Variants in CASR observed in about 807,000 individuals in gnomAD.
CASR encodes the protein extracellular calcium-sensing receptor.
A neutral mutation model predicts 69.1 loss-of-function variants in CASR; 23 were observed. That is an observed-to-expected ratio of 0.33 (90% CI 0.24 to 0.47). The LOEUF is 0.47. Among genes scored for constraint, CASR ranks in the 20% least tolerant of loss-of-function variants. The pLI is 1.00. For synonymous variants in CASR, 541 were observed against 544.7 expected, an observed-to-expected ratio of 0.99 and a Z score of 0.10; for missense variants, 924 against 1,356.1, an observed-to-expected ratio of 0.68 and a Z score of 5.00.
chr3:122,247,145 C>G (rs1369932204), intron 1 of CASR: 1 of 152,146 alleles, frequency 6.6e-6, no homozygotes, highest in African/African-American at 2.4e-5. Flanking sequence ...CCATGTTTCA[C>G]GGCATCATGA....
At chr3:122,271,103 A>AT (rs2074752312) in intron 4 of CASR, among the ~76,000 whole-genome samples, 1 of 151,972 alleles carries the variant, frequency 6.6e-6, no homozygotes, top group Non-Finnish European at 1.5e-5. Flanking sequence ...TATTGACCTT[A>AT]TTTTTCTCAT....
At chr3:122,235,666 A>G (rs930445754) in intron 1 of CASR, among the ~76,000 whole-genome samples, 3 of 152,214 alleles carry the variant, frequency 2.0e-5, no homozygotes, top group African/African-American at 4.8e-5. Flanking sequence ...GGGTAGTGGC[A>G]TGTTCCTATA....
chr3:122,275,844 A>C lies in CASR; in HGVS notation c.1410A>C (p.Thr470=), dbSNP rs199886514. Residue 470 remains threonine (T), a synonymous_variant, in exon 5 of 7, where the codon ACA becomes ACC. Transcript: ENST00000639785. Reference sequence around the variant, plus strand: ...AGCACCTACGGCATCTAAACTTTACAAACAATATGGGGGAGCAGGTGACCT... The same window carrying C: ...AGCACCTACGGCATCTAAACTTTACCAACAATATGGGGGAGCAGGTGACCT... The part of the protein sequence containing the change: ...VLKHLRHLNF[T]NNMGEQVTFD... The C allele has an allele frequency of 6.2e-7, 1 of 1,614,050 alleles. No individual in the cohort carries two copies. Among genetic ancestry groups the C allele is most frequent in the Non-Finnish European group, 8.5e-7 (1 of 1,179,962 alleles).
At chr3:122,190,606 A>G (rs2073830808) in intron 1 of CASR, among the ~76,000 whole-genome samples, 1 of 152,226 alleles carries the variant, frequency 6.6e-6, no homozygotes, top group Non-Finnish European at 1.5e-5. Flanking sequence ...ACGTTGTTAA[A>G]GCTCATCAAG....
chr3:122,243,263 G>A (rs1380897924), intron 1 of CASR, among the ~76,000 whole-genome samples: 3 of 152,054 alleles, frequency 2.0e-5, no homozygotes, highest in Non-Finnish European at 4.4e-5. Context: ...GAAAATATTC[G>A]CAAACTAGCC....
At chr3:122,232,317 G>A (rs1270926207) in intron 1 of CASR, among the ~76,000 whole-genome samples, 1 of 152,176 alleles carries the variant, frequency 6.6e-6, no homozygotes, top group Non-Finnish European at 1.5e-5. Context: ...GCAGGGAAGT[G>A]CCACGCAGAT....
intron 4 of CASR, among the ~76,000 whole-genome samples, chr3:122,271,582 C>CT (rs2074758299): frequency 6.6e-6 from 1 of 152,190 alleles, no homozygotes; most frequent in Non-Finnish European, 1.5e-5. Context: ...TCCATGCCTT[C>CT]TTTTTTGCAA....
intron 1 of CASR, 69 bp downstream of exon 1, chr3:122,183,881 A>T (rs1287793760): frequency 6.6e-6 from 1 of 152,082 alleles, no homozygotes; most frequent in Non-Finnish European, 1.5e-5. Flanking sequence ...AGAAAAAAAA[A>T]AATTGTGCCA....
intron 1 of CASR, among the ~76,000 whole-genome samples, chr3:122,195,815 A>G (rs1266635579): frequency 6.6e-6 from 1 of 152,202 alleles, no homozygotes; most frequent in East Asian, 1.9e-4. Flanking sequence ...GAATCTTTTA[A>G]CTCATCTTTT....
Position 122,285,650 on chromosome 3 carries a change from T to A in CASR, c.*459T>A. 1 of 192,972 alleles carries A rather than the reference T, an allele frequency of 5.2e-6. No homozygotes were observed. The highest frequency in any genetic ancestry group is 1.1e-5 in the Non-Finnish European group (1 of 91,498). The allele number at this position is 192,972 out of a possible 1,614,324, so 12.0% of individuals were successfully genotyped here. On this transcript the variant is annotated 3_prime_UTR_variant, in exon 7 of 7. Coordinates refer to ENST00000639785, the MANE Select transcript of CASR (RefSeq NM_000388.4). ...GACTGAATTTTAAATGTTCACAACA[T>A]AAGGAGAATGTATCTCCTCCTATTT...
chr3:122,227,959 A>T (rs2074241707), intron 1 of CASR, among the ~76,000 whole-genome samples: 1 of 150,898 alleles, frequency 6.6e-6, no homozygotes, highest in African/African-American at 2.4e-5. Flanking sequence ...ATGACTGCTC[A>T]TGTCAGTATG....
chr3:122,207,912 G>A (rs2074023747), intron 1 of CASR, among the ~76,000 whole-genome samples: 1 of 152,092 alleles, frequency 6.6e-6, no homozygotes, highest in South Asian at 2.1e-4. Context: ...TTTTCTCTGT[G>A]AATGATTGGT....
At chr3:122,225,607 A>G (rs2074215302) in intron 1 of CASR, among the ~76,000 whole-genome samples, 1 of 151,498 alleles carries the variant, frequency 6.6e-6, no homozygotes, top group South Asian at 2.1e-4. Context: ...AAAAGGGAAC[A>G]CTTATGCGCT....
intron 1 of CASR, among the ~76,000 whole-genome samples, chr3:122,193,445 G>A (rs573730209): frequency 6.6e-6 from 1 of 152,172 alleles, no homozygotes; most frequent in South Asian, 2.1e-4. Context: ...TCAAACTCCT[G>A]ACCTCAAGTG....
intron 4 of CASR, among the ~76,000 whole-genome samples, chr3:122,271,381 T>A (rs7644390): frequency 0.27 from 40,388 of 152,010 alleles, 6,260 homozygotes; most frequent in Non-Finnish European, 0.36. Context: ...CCAGATAAGA[T>A]GTTTACATTG....
At chr3:122,277,229 T>A (rs1285680088) in intron 5 of CASR, among the ~76,000 whole-genome samples, 1 of 151,970 alleles carries the variant, frequency 6.6e-6, no homozygotes, top group Non-Finnish European at 1.5e-5. Flanking sequence ...GTATTTTTAG[T>A]AGAGACGGGG....
At chr3:122,218,611 AGGT>A (rs1355366656) in intron 1 of CASR, among the ~76,000 whole-genome samples, 1 of 72,140 alleles carries the variant, frequency 1.4e-5, no homozygotes, top group Admixed American at 2.0e-4. Flanking sequence ...TGGATAAAGG[AGGT>A]AGAAGAAGAA....
intron 1 of CASR, among the ~76,000 whole-genome samples, chr3:122,195,834 A>G (rs755961333): frequency 3.9e-5 from 6 of 152,226 alleles, no homozygotes; most frequent in Admixed American, 2.6e-4. Context: ...TTAAAAATGT[A>G]ATGAGTTTTT....
chr3:122,234,283 A>C (rs1046924893), intron 1 of CASR, among the ~76,000 whole-genome samples: 1 of 152,226 alleles, frequency 6.6e-6, no homozygotes, highest in African/African-American at 2.4e-5. Flanking sequence ...GCAACCATAG[A>C]TATAATGCAA....
Sources: gnomAD v4.1 joint callset for allele counts (sites outside exome capture counted in the v4.1 genomes callset) on GRCh38, gnomAD v4.1.1 for gene constraint, MANE v1.5 for transcripts, NCBI Gene and HGNC (gene_info 2026-07-23, HGNC 2026-07-21) for gene names.